Variants in MS4A10 observed in about 807,000 individuals in gnomAD.
MS4A10 encodes membrane-spanning 4-domains subfamily A member 10.
MS4A10 carries 27 observed loss-of-function variants against 27.7 expected under a neutral mutation model. The ratio of observed to expected loss-of-function variants is 0.98; its 90% CI spans 0.72 to 1.35. MS4A10 has a LOEUF of 1.35. MS4A10 is among the 40% of genes most tolerant of loss of function. MS4A10 has a pLI of 0.00. For missense variants in MS4A10, 338 were observed against 324.7 expected, an observed-to-expected ratio of 1.04 and a Z score of -0.32; for synonymous variants, 139 against 131.2, an observed-to-expected ratio of 1.06 and a Z score of -0.41.
chr11:60,793,596 G>A (rs2134752941), intron 4 of MS4A10, among the ~76,000 whole-genome samples: 1 of 152,338 alleles, frequency 6.6e-6, no homozygotes, highest in East Asian at 1.9e-4. Context: ...TGGATGAGGG[G>A]TCACCTGGGT....
intron 6 of MS4A10, among the ~76,000 whole-genome samples, chr11:60,795,892 GAAACTC>G (rs1854522129): frequency 6.6e-6 from 1 of 152,266 alleles, no homozygotes; most frequent in Admixed American, 6.5e-5. Flanking sequence ...TGCCAGAGAG[GAAACTC>G]CATGGGTGCC....
intron 1 of MS4A10, among the ~76,000 whole-genome samples, chr11:60,787,548 G>A (rs1231597074): frequency 6.6e-6 from 1 of 152,132 alleles, no homozygotes; most frequent in Non-Finnish European, 1.5e-5. Flanking sequence ...GGACCTTAGA[G>A]ATCATCACTC....
intron 1 of MS4A10, 102 bp from the exon 2 acceptor site, chr11:60,790,212 G>A: frequency 1.0e-6 from 1 of 999,726 alleles, no homozygotes; most frequent in Non-Finnish European, 1.5e-6. Context: ...CACAGTTCTG[G>A]AAAGATCTGG....
intron 1 of MS4A10, among the ~76,000 whole-genome samples, chr11:60,788,013 G>A (rs867676365): frequency 1.6e-4 from 24 of 151,314 alleles, no homozygotes; most frequent in African/African-American, 3.9e-4. Flanking sequence ...GCGAAACTCC[G>A]TCTCAAAAAT....
Position 60,790,327 on chromosome 11 carries a change from C to T in MS4A10, c.-9C>T. On this transcript the variant is annotated 5_prime_UTR_variant, in exon 2 of 8. Coordinates refer to ENST00000308287, the MANE Select transcript of MS4A10 (RefSeq NM_206893.4). ...CCCGTCCTGCAGCCAGGGCCCCCAT[C>T]CAGCATCAATGAAAGCAGAAGCCAC... 1.2e-6 allele frequency: 2 copies of T among 1,613,620 alleles called. No homozygotes were observed. The highest frequency in any genetic ancestry group is 1.7e-6 in the Non-Finnish European group (2 of 1,179,722).
At chr11:60,795,224 C>T (rs1046724926) in intron 5 of MS4A10, among the ~76,000 whole-genome samples, 2 of 152,196 alleles carry the variant, frequency 1.3e-5, no homozygotes, top group African/African-American at 4.8e-5. Context: ...ACTAGGTACC[C>T]CCATCTGTCA....
At position 60,794,017 on chromosome 11, in the gene MS4A10, C is replaced by T; in HGVS notation, c.406C>T (p.Leu136=). ...AAACCTCATCAGCCTCTTTTGCGTG[C>T]TGTCTGGCCTCTTCGTCATCTCCAA... ...MTNLISLFCV[L]SGLFVISKDL... is the part of the protein sequence containing the mutation. Residue 136 remains leucine (L), a synonymous_variant, in exon 5 of 8, where the codon CTG becomes TTG. Transcript: ENST00000308287. 1.2e-6 allele frequency: 2 copies of T among 1,614,184 alleles called. No homozygotes were observed.
At chr11:60,799,730 C>A in intron 7 of MS4A10, 98 bp from the exon 8 acceptor site, 1 of 710,396 alleles carries the variant, frequency 1.4e-6, no homozygotes, top group Admixed American at 2.1e-5. Flanking sequence ...GCCACTGACT[C>A]TGAGCCAAGT....
Position 60,800,224 on chromosome 11 carries a change from C to A in MS4A10, c.*315C>A. 1 of 314,472 alleles carries A rather than the reference C, an allele frequency of 3.2e-6. No individual in the cohort carries two copies. The highest frequency in any genetic ancestry group is 5.9e-6 in the Non-Finnish European group (1 of 168,486). 19.5% of individuals were successfully genotyped at this position (314,472 alleles called of 1,614,324 possible). ...AGAGTACAGTGGCACTATCTCAGCT[C>A]ACTGCAATCTCCGCCTCCCTGGTTC... On this transcript the variant is annotated 3_prime_UTR_variant, in exon 8 of 8. Transcript: ENST00000308287.
intron 2 of MS4A10, 86 bp from the exon 3 acceptor site, chr11:60,790,888 C>G: frequency 6.4e-7 from 1 of 1,556,706 alleles, no homozygotes. Flanking sequence ...GGACTCACCA[C>G]AGCCAGTAGG....
chr11:60,799,987 G>A lies in MS4A10; in HGVS notation c.*78G>A. On this transcript the variant is annotated 3_prime_UTR_variant, in exon 8 of 8. Coordinates refer to ENST00000308287, the MANE Select transcript of MS4A10 (RefSeq NM_206893.4). ...CCCAAAGTTGCACTTTCACTGGGAA[G>A]ATGAGATTTGCACATACAAAAGGCT... 6.2e-7 allele frequency: 1 copy of A among 1,609,332 alleles called. No individual in the cohort carries two copies. The highest frequency in any genetic ancestry group is 1.8e-4 in the Middle Eastern group (1 of 5,576).
Position 60,793,983 on chromosome 11 carries a change from C to T in MS4A10, c.372C>T (p.Cys124=), listed in dbSNP as rs1281126727. 1.2e-6 allele frequency: 2 copies of T among 1,614,066 alleles called. No homozygotes were observed. The highest frequency in any genetic ancestry group is 1.1e-5 in the South Asian group (1 of 91,070). Residue 124 remains cysteine, a synonymous_variant, in exon 5 of 8, where the codon TGC becomes TGT. Coordinates refer to ENST00000308287, the MANE Select transcript of MS4A10 (RefSeq NM_206893.4). ...TFSKTYLKML[C]LMTNLISLFC... ...TTTTTCACCTATAGAAGATGTTGTG[C>T]CTGATGACAAACCTCATCAGCCTCT...
At chr11:60,797,400 G>A (rs914237603) in intron 6 of MS4A10, among the ~76,000 whole-genome samples, 6 of 152,200 alleles carry the variant, frequency 3.9e-5, no homozygotes, top group African/African-American at 1.4e-4. Context: ...GGTTTGAAAT[G>A]AGTCTCAAGG....
Position 60,791,080 on chromosome 11 carries a change from G to T in MS4A10, c.290G>T (p.Trp97Leu), listed in dbSNP as rs777512469. The T allele has an allele frequency of 1.9e-6, 3 of 1,613,852 alleles. No homozygotes were observed. Among genetic ancestry groups the T allele is most frequent in the East Asian group, 4.5e-5 (2 of 44,888 alleles). ...LVVLKSWYPF[W>L]GAASFLISGI... ...GTGCTGAAGTCTTGGTATCCATTCT[G>T]GGGGGCTGCCTCTGTGAGTAGAAGG... Residue 97 changes from tryptophan (W) to leucine (L), a missense_variant, in exon 3 of 8, where the codon TGG becomes TTG. Physicochemically the swap from Trp to Leu is moderately conservative, Grantham distance 61. Coordinates refer to ENST00000308287, the MANE Select transcript of MS4A10 (RefSeq NM_206893.4).
intron 2 of MS4A10, 131 bp from the exon 3 acceptor site, chr11:60,790,843 G>A (rs1854417708): frequency 3.7e-6 from 5 of 1,336,834 alleles, no homozygotes; most frequent in South Asian, 2.8e-5. Context: ...CCTTCTTAGA[G>A]AGCCTGGTCT....
Position 60,790,528 on chromosome 11 carries a change from C to G in MS4A10, c.183+10C>G. On this transcript the variant is annotated intron_variant, in intron 2 of 7. Transcript: ENST00000308287. ...TCTTAAGGAGCTGGGGGTGAGCATC[C>G]ACTTCCCAGGGTCCCAGCAGTGGGA... 1 of 1,613,802 alleles carries G rather than the reference C, an allele frequency of 6.2e-7. No homozygotes were observed. The highest frequency in any genetic ancestry group is 1.1e-5 in the South Asian group (1 of 91,012).
At chr11:60,793,787 A>C (rs1020845448) in intron 4 of MS4A10, among the ~76,000 whole-genome samples, 185 bp from the exon 5 acceptor site, 1 of 152,152 alleles carries the variant, frequency 6.6e-6, no homozygotes. Flanking sequence ...GTCACACAGG[A>C]GCAGCTCAGC....
At position 60,790,491 on chromosome 11, in the gene MS4A10, G is replaced by T; in HGVS notation, c.156G>T (p.Lys52Asn). The change falls in exon 2 of 8, where the codon AAG (lysine) becomes AAT (asparagine). Residue 52 changes from lysine to asparagine, a missense_variant. Physicochemically the swap from Lys to Asn is moderately conservative, Grantham distance 94. Transcript: ENST00000308287. ...CACACCAGCACGAGAAGTCCCAGAA[G>T]AAGAGCAGCCTTCTTAAGGAGCTGG... ...LAPHQHEKSQ[K>N]KSSLLKELGA... The T allele has an allele frequency of 1.8e-5, 29 of 1,614,188 alleles. No individual in the cohort carries two copies. Among genetic ancestry groups the T allele is most frequent in the Non-Finnish European group, 2.4e-5 (28 of 1,180,032 alleles).
At chr11:60,795,101 C>T (rs1854503231) in intron 5 of MS4A10, among the ~76,000 whole-genome samples, 1 of 152,162 alleles carries the variant, frequency 6.6e-6, no homozygotes, top group South Asian at 2.1e-4. Context: ...TGTGCGTGCA[C>T]ACACACACAT....
Sources: allele counts gnomAD v4.1 joint callset (sites outside exome capture counted in the v4.1 genomes callset), GRCh38; gene constraint gnomAD v4.1.1; transcripts MANE v1.5; gene names NCBI Gene and HGNC (gene_info 2026-07-23, HGNC 2026-07-21).